The following GSK3B variants were observed in gnomAD, a reference collection of about 807,000 sequenced individuals.
GSK3B encodes the protein glycogen synthase kinase-3 beta.
In GSK3B, 15 loss-of-function variants were observed where a neutral mutation model predicts 56.4. The observed-to-expected ratio is 0.27, with a 90% CI of 0.18 to 0.41. GSK3B has a LOEUF of 0.41. GSK3B is among the 10% of genes least tolerant of loss of function. The probability of loss-of-function intolerance (pLI) is 1.00; values close to 1 mark genes in which losing one functional copy is unlikely to be tolerated. For synonymous variants in GSK3B, 181 were observed against 188.9 expected, an observed-to-expected ratio of 0.96 and a Z score of 0.34; for missense variants, 300 against 513.4, an observed-to-expected ratio of 0.58 and a Z score of 4.02.
intron 7 of GSK3B, among the ~76,000 whole-genome samples, chr3:119,881,691 G>A (rs2056380760): frequency 6.6e-6 from 1 of 152,166 alleles, no homozygotes; most frequent in Admixed American, 6.5e-5. Flanking sequence ...AACTTTCATA[G>A]AGGTTATGGG....
At chr3:119,977,085 T>G (rs778344478) in intron 2 of GSK3B, among the ~76,000 whole-genome samples, 1 of 152,170 alleles carries the variant, frequency 6.6e-6, no homozygotes, top group Non-Finnish European at 1.5e-5. Context: ...GCAATAAAAC[T>G]ATATATAATT....
At chr3:120,001,477 T>C (rs1470612905) in intron 2 of GSK3B, among the ~76,000 whole-genome samples, 1 of 152,222 alleles carries the variant, frequency 6.6e-6, no homozygotes, top group East Asian at 1.9e-4. Flanking sequence ...CTTCTGCCCA[T>C]GATTAGAAGT....
chr3:119,835,186 A>C (rs533678466), intron 10 of GSK3B, among the ~76,000 whole-genome samples: 1 of 152,244 alleles, frequency 6.6e-6, no homozygotes, highest in East Asian at 1.9e-4. Flanking sequence ...CCCTACTCCC[A>C]CTCTATGAGG....
chr3:119,842,433 A>G (rs910806829), intron 10 of GSK3B, among the ~76,000 whole-genome samples: 2 of 152,174 alleles, frequency 1.3e-5, no homozygotes. Flanking sequence ...ATATAAGTAT[A>G]AACTTATAAT....
intron 10 of GSK3B, among the ~76,000 whole-genome samples, chr3:119,842,264 A>G (rs2108010516): frequency 1.3e-5 from 2 of 152,300 alleles, no homozygotes; most frequent in South Asian, 4.1e-4. Context: ...ATCAGGCCCC[A>G]CCATTAGCTG....
At chr3:119,848,813 G>C (rs183566867) in intron 9 of GSK3B, among the ~76,000 whole-genome samples, 1 of 152,244 alleles carries the variant, frequency 6.6e-6, no homozygotes, top group African/African-American at 2.4e-5. Context: ...GAAAGGAAAA[G>C]CTTAAAACTG....
intron 1 of GSK3B, among the ~76,000 whole-genome samples, chr3:120,037,950 A>T (rs2058036001): frequency 6.6e-6 from 1 of 152,196 alleles, no homozygotes; most frequent in African/African-American, 2.4e-5. Flanking sequence ...TATATAAAAC[A>T]TCTAAAGAAG....
chr3:119,970,644 G>T (rs1208866187), intron 2 of GSK3B, among the ~76,000 whole-genome samples: 1 of 150,680 alleles, frequency 6.6e-6, no homozygotes, highest in Non-Finnish European at 1.5e-5. Flanking sequence ...AAAATTAGCC[G>T]GGCATGGTGG....
chr3:120,043,998 G>A (rs947857958), intron 1 of GSK3B, among the ~76,000 whole-genome samples: 2 of 152,184 alleles, frequency 1.3e-5, no homozygotes, highest in Non-Finnish European at 2.9e-5. Context: ...CAAAAATTCT[G>A]TCCGCACATT....
chr3:120,070,482 T>C (rs1266327235), intron 1 of GSK3B, among the ~76,000 whole-genome samples: 1 of 151,914 alleles, frequency 6.6e-6, no homozygotes. Context: ...CTATAAAAAG[T>C]TAATATCTTA....
chr3:120,078,983 C>T (rs538973915), intron 1 of GSK3B, among the ~76,000 whole-genome samples: 50 of 148,686 alleles, frequency 3.4e-4, no homozygotes, highest in South Asian at 1.1e-3. Flanking sequence ...CTGTCTCGCC[C>T]AGGCTGGAGT....
chr3:119,876,423 G>A lies in GSK3B; in HGVS notation c.899C>T (p.Pro300Leu). Reference sequence around the variant, plus strand: ...AAAAATCTAACTCACCTTAGTCCAAGGATGTGCCTTAATTTGAGGGAATTT... The same window carrying A: ...AAAAATCTAACTCACCTTAGTCCAAAGATGTGCCTTAATTTGAGGGAATTT... ...EFKFPQIKAHPWTKVFRPRTP... is the reference protein window; with the variant it reads ...EFKFPQIKAHLWTKVFRPRTP... The change falls in exon 8 of 11, where the codon CCT becomes CTT. Residue 300 changes from proline to leucine, a missense_variant. By Grantham distance (98) the Pro-to-Leu change is moderately conservative. Coordinates refer to ENST00000264235, the MANE Select transcript of GSK3B (RefSeq NM_001146156.2). 1 of 1,583,828 alleles carries A rather than the reference G, an allele frequency of 6.3e-7. No homozygotes were observed. The highest frequency in any genetic ancestry group is 1.1e-5 in the South Asian group (1 of 90,448).
intron 9 of GSK3B, among the ~76,000 whole-genome samples, chr3:119,854,437 A>T (rs1293758137): frequency 6.6e-6 from 1 of 152,180 alleles, no homozygotes; most frequent in Non-Finnish European, 1.5e-5. Flanking sequence ...GCCTCATAAA[A>T]TGAGTTAGGG....
At chr3:120,017,792 G>C (rs1454966271) in intron 1 of GSK3B, among the ~76,000 whole-genome samples, 3 of 152,110 alleles carry the variant, frequency 2.0e-5, no homozygotes, top group Non-Finnish European at 4.4e-5. Flanking sequence ...CACTGGGGGC[G>C]TCCCATTTTA....
At chr3:119,853,636 C>T (rs373570724) in intron 9 of GSK3B, among the ~76,000 whole-genome samples, 3 of 152,290 alleles carry the variant, frequency 2.0e-5, no homozygotes, top group South Asian at 2.1e-4. Flanking sequence ...AGGTCCTTCA[C>T]GTCCCTTGTA....
At chr3:119,945,202 CAAA>C (rs1559847529) in intron 3 of GSK3B, among the ~76,000 whole-genome samples, 1 of 152,122 alleles carries the variant, frequency 6.6e-6, no homozygotes, top group Non-Finnish European at 1.5e-5. Flanking sequence ...CCTTTATTGA[CAAA>C]GAAGGACCAT....
intron 7 of GSK3B, among the ~76,000 whole-genome samples, chr3:119,879,313 T>G (rs181727582): frequency 3.3e-4 from 50 of 152,260 alleles, no homozygotes; most frequent in Admixed American, 5.2e-4. Flanking sequence ...CCCGAGTAGC[T>G]GGGACTACAG....
chr3:119,966,133 A>G (rs967937638), intron 2 of GSK3B, among the ~76,000 whole-genome samples: 11 of 152,310 alleles, frequency 7.2e-5, no homozygotes, highest in African/African-American at 2.2e-4. Flanking sequence ...ACAACATCCA[A>G]TGTAGTCCTT....
At chr3:120,009,500 G>A (rs949351596) in intron 1 of GSK3B, among the ~76,000 whole-genome samples, 1 of 152,074 alleles carries the variant, frequency 6.6e-6, no homozygotes, top group African/African-American at 2.4e-5. Context: ...ATACTATGCC[G>A]CCATAAAAAA....
Sources: gnomAD v4.1 joint callset for allele counts (sites outside exome capture counted in the v4.1 genomes callset) on GRCh38, gnomAD v4.1.1 for gene constraint, MANE v1.5 for transcripts, NCBI Gene and HGNC (gene_info 2026-07-23, HGNC 2026-07-21) for gene names.